AKAP19: variants seen among roughly 807,000 people sequenced by gnomAD.
AKAP19 encodes small A-kinase anchoring protein.
At chr2:190,122,964 C>T in the AKAP19 span, among the ~76,000 whole-genome samples, 1 of 151,968 alleles carries the variant, frequency 6.6e-6, no homozygotes. Flanking sequence ...CATATACCAC[C>T]ATGCCTGGCT....
the AKAP19 span, among the ~76,000 whole-genome samples, chr2:189,892,080 G>C: frequency 2.0e-5 from 3 of 151,548 alleles, no homozygotes; most frequent in Admixed American, 2.0e-4. Context: ...TTTTCAGCTC[G>C]TCAGGTCATT....
the AKAP19 span, among the ~76,000 whole-genome samples, chr2:190,018,935 T>C: frequency 6.6e-6 from 1 of 152,216 alleles, no homozygotes; most frequent in African/African-American, 2.4e-5. Context: ...CCGGCTGGAT[T>C]CTGCAATCGG....
chr2:190,091,345 G>C, the AKAP19 span, among the ~76,000 whole-genome samples: 1 of 152,172 alleles, frequency 6.6e-6, no homozygotes, highest in Non-Finnish European at 1.5e-5. Flanking sequence ...TGACACATAT[G>C]AATTTATTTC....
At chr2:190,062,605 A>T in the AKAP19 span, 2 of 1,609,194 alleles carry the variant, frequency 1.2e-6, no homozygotes, top group Non-Finnish European at 1.7e-6. Context: ...ATGATTTTAA[A>T]ATCAATATAA....
At chr2:189,984,956 G>A in the AKAP19 span, among the ~76,000 whole-genome samples, 75 of 152,088 alleles carry the variant, frequency 4.9e-4, no homozygotes, top group African/African-American at 1.8e-3. Flanking sequence ...GCTCTGAGAG[G>A]AGTGCAGACA....
the AKAP19 span, among the ~76,000 whole-genome samples, chr2:189,903,054 G>A: frequency 0.92 from 140,103 of 151,878 alleles, 64,922 homozygotes; most frequent in East Asian, 0.98. Context: ...TTTTTTAAGT[G>A]TCTTCCCTAT....
the AKAP19 span, among the ~76,000 whole-genome samples, chr2:189,948,600 T>C: frequency 6.6e-6 from 1 of 152,218 alleles, no homozygotes; most frequent in Admixed American, 6.5e-5. Context: ...ACCATGTCTG[T>C]CTATGTTACT....
chr2:190,156,199 G>T, the AKAP19 span, among the ~76,000 whole-genome samples: 1 of 151,880 alleles, frequency 6.6e-6, no homozygotes, highest in Non-Finnish European at 1.5e-5. Context: ...TAATAAAAAT[G>T]GTATTTCAGT....
the AKAP19 span, among the ~76,000 whole-genome samples, chr2:190,033,019 G>A: frequency 6.6e-6 from 1 of 152,072 alleles, no homozygotes; most frequent in South Asian, 2.1e-4. Context: ...GCGGTAGCAA[G>A]TGGAGGAAAA....
At chr2:190,158,356 T>C in the AKAP19 span, among the ~76,000 whole-genome samples, 1 of 152,170 alleles carries the variant, frequency 6.6e-6, no homozygotes, top group Admixed American at 6.5e-5. Flanking sequence ...TAAAATTCAG[T>C]CTATATTTCA....
the AKAP19 span, among the ~76,000 whole-genome samples, chr2:189,901,803 A>G: frequency 6.6e-6 from 1 of 152,304 alleles, no homozygotes; most frequent in East Asian, 1.9e-4. Flanking sequence ...CTAAATTATT[A>G]TGTACACTCA....
the AKAP19 span, among the ~76,000 whole-genome samples, chr2:189,993,381 T>A: frequency 6.6e-6 from 1 of 152,220 alleles, no homozygotes; most frequent in Admixed American, 6.5e-5. Flanking sequence ...TCATAATGTA[T>A]TATGTTTTTG....
chr2:190,189,081 A>G, the AKAP19 span, among the ~76,000 whole-genome samples: 2 of 152,202 alleles, frequency 1.3e-5, no homozygotes, highest in African/African-American at 4.8e-5. Flanking sequence ...TAGTACCCAG[A>G]GACCTGTTTG....
the AKAP19 span, among the ~76,000 whole-genome samples, chr2:189,981,756 A>G: frequency 6.6e-6 from 1 of 152,174 alleles, no homozygotes; most frequent in African/African-American, 2.4e-5. Context: ...GAATATGTTT[A>G]TGAAGCTTAG....
At chr2:190,030,436 GC>G in the AKAP19 span, among the ~76,000 whole-genome samples, 1 of 152,138 alleles carries the variant, frequency 6.6e-6, no homozygotes, top group African/African-American at 2.4e-5. Context: ...TAGTATAGGT[GC>G]CACCAAGGTT....
the AKAP19 span, among the ~76,000 whole-genome samples, chr2:190,065,669 G>A: frequency 1.3e-5 from 2 of 152,248 alleles, no homozygotes; most frequent in African/African-American, 4.8e-5. Context: ...TGATGTAAAT[G>A]TTATGACCAG....
the AKAP19 span, among the ~76,000 whole-genome samples, chr2:190,134,555 T>C: frequency 1.3e-5 from 2 of 151,990 alleles, no homozygotes; most frequent in Non-Finnish European, 2.9e-5. Flanking sequence ...TTATAATTAT[T>C]TACAGAGAAG....
chr2:190,068,047 C>CAGAAATT, the AKAP19 span, among the ~76,000 whole-genome samples: 1 of 152,086 alleles, frequency 6.6e-6, no homozygotes, highest in Non-Finnish European at 1.5e-5. Context: ...GCTAAAAATA[C>CAGAAATT]AGAAATTAGC....
At chr2:190,101,356 G>A in the AKAP19 span, among the ~76,000 whole-genome samples, 8 of 152,150 alleles carry the variant, frequency 5.3e-5, no homozygotes, top group African/African-American at 9.7e-5. Context: ...GGACCAGCTC[G>A]GTAACCTGGA....
Sources: gnomAD v4.1 joint callset for allele counts (sites outside exome capture counted in the v4.1 genomes callset) on GRCh38, gnomAD v4.1.1 for gene constraint, MANE v1.5 for transcripts, NCBI Gene and HGNC (gene_info 2026-07-23, HGNC 2026-07-21) for gene names.